Variants in PGBD2 observed in about 807,000 individuals in gnomAD.
PGBD2 encodes piggyBac transposable element derived 2.
PGBD2 carries 6 observed loss-of-function variants against 8.1 expected under a neutral mutation model. The ratio of observed to expected loss-of-function variants is 0.74; its 90% CI spans 0.40 to 1.46. The LOEUF is 1.46. Among genes scored for constraint, PGBD2 ranks in the 40% most tolerant of loss-of-function variants. The pLI is 0.02. For missense variants in PGBD2, 802 were observed against 739.0 expected, an observed-to-expected ratio of 1.09 and a Z score of -0.99; for synonymous variants, 318 against 272.2, an observed-to-expected ratio of 1.17 and a Z score of -1.66.
intron 1 of PGBD2, among the ~76,000 whole-genome samples, chr1:248,907,422 T>C (rs1230123479): frequency 2.0e-5 from 3 of 152,244 alleles, no homozygotes; most frequent in Non-Finnish European, 4.4e-5. Flanking sequence ...ACAGTGGCCT[T>C]CATCTATCTC....
At chr1:248,915,970 C>T (rs1662083502) in intron 2 of PGBD2, among the ~76,000 whole-genome samples, 1 of 152,150 alleles carries the variant, frequency 6.6e-6, no homozygotes, top group Non-Finnish European at 1.5e-5. Context: ...TCCCTGTTGC[C>T]AGTTTCTGTT....
intron 2 of PGBD2, chr1:248,914,433 AT>A: frequency 7.9e-7 from 1 of 1,268,654 alleles, no homozygotes; most frequent in Non-Finnish European, 1.0e-6. Flanking sequence ...TTTCTGGCCC[AT>A]GCAGAGCTTG....
At chr1:248,885,072 T>A in the PGBD2 span, among the ~76,000 whole-genome samples, 1 of 152,152 alleles carries the variant, frequency 6.6e-6, no homozygotes, top group East Asian at 1.9e-4. Flanking sequence ...GACTGCAGAC[T>A]TTTTTTGCAG....
the PGBD2 span, among the ~76,000 whole-genome samples, chr1:248,889,928 C>CTT: frequency 1.1e-4 from 15 of 135,994 alleles, no homozygotes; most frequent in African/African-American, 2.8e-4. Flanking sequence ...TTTTTCTTTT[C>CTT]TTTTTTTTTT....
the PGBD2 span, among the ~76,000 whole-genome samples, chr1:248,927,012 G>A: frequency 2.6e-5 from 4 of 152,218 alleles, no homozygotes; most frequent in South Asian, 4.1e-4. Context: ...GTCTGAAGTT[G>A]TCATGCAGTG....
rs1661758854 is a variant in PGBD2 at position 248,908,818 on chromosome 1, G to C, written c.-48+2476G>C. 2.0e-5 allele frequency among the ~76,000 whole-genome samples: 3 copies of C among 151,754 alleles called. No individual in the cohort carries two copies. The South Asian group carries it at 6.2e-4, about 31-fold the overall frequency. ...TTCCTTACTCTGGCGTCACTGCTTT[G>C]CTTCTCCTGTGCTGTGCCTTTTGCC... On this transcript the variant is annotated intron_variant, in intron 1 of 2. Transcript: ENST00000329291.
At chr1:248,929,239 C>G in the PGBD2 span, among the ~76,000 whole-genome samples, 1 of 152,076 alleles carries the variant, frequency 6.6e-6, no homozygotes, top group Non-Finnish European at 1.5e-5. Context: ...TAACTGATCT[C>G]AAAACATCTG....
rs570799291 is a variant in PGBD2 at position 248,914,088 on chromosome 1, A to T, written c.17+209A>T. On this transcript the variant is annotated intron_variant, in intron 2 of 2. Coordinates refer to ENST00000329291, the MANE Select transcript of PGBD2 (RefSeq NM_170725.3). ...CATGGTGTGGGTGTGGTTATGTAGCACTAATGTTTACACTCGATAGAAAAC... is the reference window on the plus strand; with the variant it reads ...CATGGTGTGGGTGTGGTTATGTAGCTCTAATGTTTACACTCGATAGAAAAC... 5.8e-4 allele frequency among the ~76,000 whole-genome samples: 89 copies of T among 152,308 alleles called. 2 individuals carry two copies. In the South Asian group the frequency reaches 0.018, roughly 30 times the overall value.
chr1:248,895,579 CAGGT>C, the PGBD2 span, among the ~76,000 whole-genome samples: 1 of 151,616 alleles, frequency 6.6e-6, no homozygotes, highest in Non-Finnish European at 1.5e-5. Context: ...TTGGAGGAAA[CAGGT>C]GGTTCTTGGT....
At chr1:248,900,684 G>A in the PGBD2 span, among the ~76,000 whole-genome samples, 1 of 152,140 alleles carries the variant, frequency 6.6e-6, no homozygotes. Context: ...ACTGGCACAA[G>A]ACAAGGATGT....
chr1:248,922,907 C>T (rs1662315521), downstream of PGBD2, among the ~76,000 whole-genome samples: 1 of 152,128 alleles, frequency 6.6e-6, no homozygotes, highest in African/African-American at 2.4e-5. Context: ...GGAATACTGG[C>T]CTGAAATTTT....
chr1:248,874,963 T>TAGAC, the PGBD2 span, among the ~76,000 whole-genome samples: 3 of 146,408 alleles, frequency 2.0e-5, no homozygotes, highest in African/African-American at 8.2e-5. Flanking sequence ...GATAGACAAA[T>TAGAC]AGATAGAGAT....
intron 2 of PGBD2, chr1:248,914,431 C>G: frequency 7.9e-7 from 1 of 1,262,622 alleles, no homozygotes; most frequent in South Asian, 1.3e-5. Context: ...TTTTTCTGGC[C>G]CATGCAGAGC....
At chr1:248,913,276 C>T (rs1661975810) in intron 1 of PGBD2, among the ~76,000 whole-genome samples, 1 of 152,152 alleles carries the variant, frequency 6.6e-6, no homozygotes, top group Non-Finnish European at 1.5e-5. Flanking sequence ...TCCTTCCCTG[C>T]ACATAGTATC....
chr1:248,917,051 T>G lies in PGBD2; in HGVS notation c.467T>G (p.Phe156Cys), dbSNP rs770731990. Residue 156 changes from phenylalanine (F) to cysteine (C), a missense_variant, in exon 3 of 3, where the codon TTC becomes TGC. Transcript: ENST00000329291. ...TTTTTTGATGAAGGAACAATTAATT[T>G]CATTGTTAATGAAACCAATCGTTAT... ...ELFFDEGTIN[F>C]IVNETNRYAW... 6.2e-7 allele frequency: 1 copy of G among 1,613,906 alleles called. No individual in the cohort carries two copies.
the PGBD2 span, among the ~76,000 whole-genome samples, chr1:248,890,352 CTTTCTT>C: frequency 1.3e-5 from 2 of 152,194 alleles, no homozygotes; most frequent in African/African-American, 2.4e-5. Flanking sequence ...TTTCTCTCCT[CTTTCTT>C]TAATTCTTAC....
chr1:248,878,273 G>C, the PGBD2 span, among the ~76,000 whole-genome samples: 1 of 151,720 alleles, frequency 6.6e-6, no homozygotes, highest in South Asian at 2.1e-4. Flanking sequence ...TCCGCCTCCC[G>C]AGTTCAAGCG....
At chr1:248,888,254 A>T in the PGBD2 span, among the ~76,000 whole-genome samples, 1 of 152,162 alleles carries the variant, frequency 6.6e-6, no homozygotes, top group Non-Finnish European at 1.5e-5. Context: ...AGAACAATAT[A>T]TTTACCCTTG....
chr1:248,916,924 AAAAG>A lies in PGBD2; in HGVS notation c.342_345del (p.Arg115IlefsTer19), dbSNP rs1385593400. ...TGTGAAACCTCAGCGCATTTGGACC[AAAAG>A]AGATATTCGTCCAGACTTTGGCAGT... is the stretch of plus-strand genomic sequence containing the variant. On this transcript the variant is annotated frameshift_variant, in exon 3 of 3. Transcript: ENST00000329291. LOFTEE classifies it low-confidence loss of function (END_TRUNC). 6.2e-7 allele frequency: 1 copy of A among 1,613,978 alleles called. No homozygotes were observed. Among genetic ancestry groups the A allele is most frequent in the African/African-American group, 1.3e-5 (1 of 75,006 alleles).
Sources: gnomAD v4.1 joint callset for allele counts (sites outside exome capture counted in the v4.1 genomes callset) on GRCh38, gnomAD v4.1.1 for gene constraint, MANE v1.5 for transcripts, NCBI Gene and HGNC (gene_info 2026-07-23, HGNC 2026-07-21) for gene names.